Variants in CDH4 observed in about 807,000 individuals in gnomAD.
CDH4 encodes the protein cadherin 4.
A neutral mutation model predicts 86.0 loss-of-function variants in CDH4; 33 were observed. That is an observed-to-expected ratio of 0.38 (90% CI 0.29 to 0.51). The LOEUF (loss-of-function observed/expected upper bound fraction) is 0.51, where lower values mean the gene tolerates loss of function less well. CDH4 is among the 20% of genes least tolerant of loss of function. The pLI is 0.86. For synonymous variants in CDH4, 555 were observed against 549.4 expected (o/e 1.01, Z -0.14); for missense variants, 1,114 against 1,307.4 (o/e 0.85, Z 2.28).
chr20:61,688,617 C>T (rs185199320), intron 2 of CDH4, among the ~76,000 whole-genome samples: 25 of 152,326 alleles, frequency 1.6e-4, no homozygotes, highest in African/African-American at 1.9e-4. Context: ...TCTGCAGCTC[C>T]GGAGCCTTCA....
At chr20:61,261,980 T>A (rs2084129893) in intron 2 of CDH4, among the ~76,000 whole-genome samples, 1 of 152,118 alleles carries the variant, frequency 6.6e-6, no homozygotes, top group African/African-American at 2.4e-5. Context: ...GAGCTCTCTC[T>A]CGGATTTTAG....
chr20:61,880,915 C>G (rs759880695), intron 7 of CDH4, among the ~76,000 whole-genome samples: 7 of 152,220 alleles, frequency 4.6e-5, no homozygotes, highest in Non-Finnish European at 8.8e-5. Context: ...GCCCCCCAGG[C>G]CCCAGGAGGG....
At chr20:61,652,480 T>C (rs903587572) in intron 2 of CDH4, among the ~76,000 whole-genome samples, 1 of 152,236 alleles carries the variant, frequency 6.6e-6, no homozygotes, top group African/African-American at 2.4e-5. Flanking sequence ...TTTATGACGG[T>C]TGGCTGAGTT....
intron 5 of CDH4, among the ~76,000 whole-genome samples, chr20:61,850,362 A>C (rs1345698034): frequency 2.0e-5 from 3 of 152,210 alleles, no homozygotes; most frequent in Non-Finnish European, 4.4e-5. Flanking sequence ...TGCCGATGTC[A>C]CTGATGAAGA....
Position 61,252,399 on chromosome 20 carries a change from G to A in CDH4, c.-115G>A, listed in dbSNP as rs2123106559. The stretch of plus-strand genomic sequence containing the variant: ...GGCTGGAGGCTCCGGGCAGGCGCGG[G>A]GGAGCGGCGGCGGCGGCGGCGATCG... On this transcript the variant is annotated 5_prime_UTR_variant, in exon 1 of 16. Transcript: ENST00000614565. This position sits in a 1 kb window ranked among gnomAD's most constrained non-coding sequence, Gnocchi z 4.4. The A allele has an allele frequency of 2.7e-6, 1 of 366,160 alleles. No homozygotes were observed. The highest frequency in any genetic ancestry group is 3.8e-6 in the Non-Finnish European group (1 of 266,520). 22.7% of individuals were successfully genotyped at this position (366,160 alleles called of 1,614,324 possible).
intron 6 of CDH4, among the ~76,000 whole-genome samples, chr20:61,853,441 A>T (rs558520330): frequency 6.6e-6 from 1 of 152,148 alleles, no homozygotes; most frequent in Non-Finnish European, 1.5e-5. Context: ...AGGCGATCCC[A>T]TGTGACTGAG....
At chr20:61,638,272 G>C (rs2427213) in intron 2 of CDH4, among the ~76,000 whole-genome samples, 28,246 of 152,046 alleles carry the variant, frequency 0.19, 2,704 homozygotes, top group South Asian at 0.28. Context: ...CACTTACCTC[G>C]ATGAGTATTT....
At chr20:61,458,532 C>T (rs1327449642) in intron 2 of CDH4, among the ~76,000 whole-genome samples, 1 of 150,950 alleles carries the variant, frequency 6.6e-6, no homozygotes, top group East Asian at 2.0e-4. Flanking sequence ...ACAGTGCTGA[C>T]ACTGGTGGTG....
At chr20:61,864,139 G>T (rs1983444714) in intron 6 of CDH4, among the ~76,000 whole-genome samples, 1 of 152,240 alleles carries the variant, frequency 6.6e-6, no homozygotes, top group South Asian at 2.1e-4. Flanking sequence ...GGAGGCAGAG[G>T]CTGGAGTGAC....
chr20:61,621,957 C>G (rs539880033), intron 2 of CDH4, among the ~76,000 whole-genome samples: 1 of 152,320 alleles, frequency 6.6e-6, no homozygotes, highest in East Asian at 1.9e-4. Flanking sequence ...TGTCAAAGCT[C>G]TGTGTTCCCA....
intron 2 of CDH4, among the ~76,000 whole-genome samples, chr20:61,578,030 C>T (rs1366584143): frequency 6.6e-6 from 1 of 152,168 alleles, no homozygotes; most frequent in Non-Finnish European, 1.5e-5. Context: ...GCTTGCCTGC[C>T]CAGCCAGGAA....
chr20:61,813,881 G>T (rs538714297), intron 4 of CDH4, among the ~76,000 whole-genome samples: 33 of 152,310 alleles, frequency 2.2e-4, no homozygotes, highest in African/African-American at 7.9e-4. Flanking sequence ...CCTGCACAGA[G>T]GGTGGTCTCC....
intron 2 of CDH4, among the ~76,000 whole-genome samples, chr20:61,309,015 T>C (rs2084431605): frequency 6.6e-6 from 1 of 152,242 alleles, no homozygotes; most frequent in Non-Finnish European, 1.5e-5. Context: ...CAGGACTGAC[T>C]GCATGTTTTC....
At chr20:61,927,152 A>G (rs2122987199) in intron 11 of CDH4, among the ~76,000 whole-genome samples, 3 of 152,348 alleles carry the variant, frequency 2.0e-5, no homozygotes, top group East Asian at 3.9e-4. Context: ...ACATTTTTAC[A>G]TGGTTCGCCT....
chr20:61,364,628 T>C (rs2084801619), intron 2 of CDH4, among the ~76,000 whole-genome samples: 1 of 152,238 alleles, frequency 6.6e-6, no homozygotes, highest in South Asian at 2.1e-4. Flanking sequence ...GACATCCTGG[T>C]GCACATGCTG....
chr20:61,528,300 C>G (rs1600731480), intron 2 of CDH4, among the ~76,000 whole-genome samples: 1 of 150,180 alleles, frequency 6.7e-6, no homozygotes, highest in Admixed American at 6.6e-5. Flanking sequence ...TCACTTGAAC[C>G]CAGGAGGCGG....
intron 2 of CDH4, among the ~76,000 whole-genome samples, chr20:61,311,973 GT>G (rs1311956977): frequency 2.0e-5 from 3 of 152,250 alleles, no homozygotes; most frequent in Non-Finnish European, 4.4e-5. Context: ...TACTGTATGT[GT>G]TTACATGCCT....
intron 2 of CDH4, among the ~76,000 whole-genome samples, chr20:61,706,148 G>A (rs1038261885): frequency 1.3e-5 from 2 of 152,282 alleles, no homozygotes; most frequent in African/African-American, 4.8e-5. Context: ...CCTGCCCGGC[G>A]CCTGCTCGGC....
At chr20:61,508,753 A>T (rs867960531) in intron 2 of CDH4, among the ~76,000 whole-genome samples, 1 of 152,350 alleles carries the variant, frequency 6.6e-6, no homozygotes, top group Middle Eastern at 3.4e-3. Context: ...GGATTTGAGC[A>T]GTTTCTTCAG....
Sources: gnomAD v4.1 joint callset for allele counts (sites outside exome capture counted in the v4.1 genomes callset) on GRCh38, gnomAD v4.1.1 for gene constraint, Gnocchi (gnomAD v3.1) non-coding constraint, MANE v1.5 for transcripts, NCBI Gene and HGNC (gene_info 2026-07-23, HGNC 2026-07-21) for gene names.